The following RORC variants were observed in gnomAD, a reference collection of about 807,000 sequenced individuals.
The protein encoded by RORC is nuclear receptor ROR-gamma.
A neutral mutation model predicts 64.5 loss-of-function variants in RORC; 13 were observed. The ratio of observed to expected loss-of-function variants is 0.20; its 90% CI spans 0.13 to 0.32. The LOEUF is 0.32. RORC is among the 10% of genes least tolerant of loss of function. RORC has a pLI of 1.00. For missense variants in RORC, 468 were observed against 669.5 expected (o/e 0.70, Z 3.32); for synonymous variants, 277 against 259.3 (o/e 1.07, Z -0.65).
rs139674921 is a variant in RORC at position 151,831,307 on chromosome 1, C to T, written c.40+418G>A. 3.3e-3 allele frequency among the ~76,000 whole-genome samples: 509 copies of T among 152,244 alleles called. 12 individuals are homozygous for T. The highest frequency in any genetic ancestry group is 0.012 in the East Asian group (60 of 5,168). On this transcript the variant is annotated intron_variant, in intron 1 of 10. Transcript: ENST00000318247. ...ACAGAAGGTGGAGCAGCCAGCCTCC[C>T]GGCCACTGCTGTCTGGGGTCCTGGC...
chr1:151,831,243 G>T, intron 1 of RORC: 1 of 628,952 alleles, frequency 1.6e-6, no homozygotes, highest in Non-Finnish European at 2.3e-6. Flanking sequence ...CCCCAAGTCT[G>T]TCACTCCTTA....
chr1:151,828,721 C>T (rs1482265975), intron 2 of RORC, among the ~76,000 whole-genome samples: 4 of 152,168 alleles, frequency 2.6e-5, no homozygotes, highest in Non-Finnish European at 4.4e-5. Flanking sequence ...TGGCCCATGC[C>T]TGTAATCTCA....
intron 10 of RORC, among the ~76,000 whole-genome samples, chr1:151,810,211 G>T (rs1651465810): frequency 6.6e-6 from 1 of 151,996 alleles, no homozygotes; most frequent in South Asian, 2.1e-4. Context: ...TTAAACCTCA[G>T]GAAAAGGATT....
intron 2 of RORC, chr1:151,826,025 GGGCGAGGC>G: frequency 6.3e-7 from 1 of 1,599,912 alleles, no homozygotes; most frequent in Non-Finnish European, 8.5e-7. Flanking sequence ...GGCAGAGGCG[GGGCGAGGC>G]CCTCTCAGCA....
chr1:151,825,134 C>T (rs1404357716), intron 2 of RORC, among the ~76,000 whole-genome samples: 3 of 152,168 alleles, frequency 2.0e-5, no homozygotes, highest in Non-Finnish European at 4.4e-5. Context: ...GACATCTGCC[C>T]ACCAACTGTT....
At chr1:151,825,759 C>T (rs1330016024) in intron 2 of RORC, among the ~76,000 whole-genome samples, 1 of 152,270 alleles carries the variant, frequency 6.6e-6, no homozygotes, top group Middle Eastern at 3.4e-3. Context: ...AGCCGCCTGG[C>T]CAGCAGGACT....
At chr1:151,819,041 G>A (rs986820446) in intron 2 of RORC, among the ~76,000 whole-genome samples, 5 of 152,114 alleles carry the variant, frequency 3.3e-5, no homozygotes, top group Admixed American at 6.5e-5. Flanking sequence ...CCAGCCACAC[G>A]TGCCTGCCCA....
chr1:151,823,847 G>A (rs1652089201), intron 2 of RORC, among the ~76,000 whole-genome samples: 1 of 152,112 alleles, frequency 6.6e-6, no homozygotes, highest in Non-Finnish European at 1.5e-5. Flanking sequence ...GGCTCACTTT[G>A]TTGCCCAGGC....
In RORC at chr1:151,813,516, C is replaced by T. The variant is rs781406501; in HGVS notation, c.1038G>A (p.Gln346=). The T allele has an allele frequency of 6.2e-7, 1 of 1,614,072 alleles. No individual in the cohort carries two copies. Among genetic ancestry groups the T allele is most frequent in the African/African-American group, 1.3e-5 (1 of 74,924 alleles). ...KRLSGFMELC[Q]NDQIVLLKAG... Reference sequence around the variant, plus strand: ...CTTTGAGAAGCACAATCTGGTCATTCTGGCAGAGCTCCATAAAGCCTGAGA... The same window carrying T: ...CTTTGAGAAGCACAATCTGGTCATTTTGGCAGAGCTCCATAAAGCCTGAGA... Residue 346 remains glutamine (Q), a synonymous_variant, in exon 7 of 11, where the codon CAG becomes CAA. Coordinates refer to ENST00000318247, the MANE Select transcript of RORC (RefSeq NM_005060.4).
At chr1:151,818,892 A>G (rs1265627560) in intron 2 of RORC, among the ~76,000 whole-genome samples, 7 of 152,154 alleles carry the variant, frequency 4.6e-5, no homozygotes, top group Non-Finnish European at 1.0e-4. Context: ...ATTCCCCAAA[A>G]TATTATTTCC....
chr1:151,813,272 T>G lies in RORC; in HGVS notation c.1141A>C (p.Lys381Gln). ...CGGAACAGCTCCATGCCACCGTATT[T>G]GCCTTCAAAAAAGACCGTGCGGTTG... ...ADNRTVFFEG[K>Q]YGGMELFRAL... The change falls in exon 8 of 11, where the codon AAA (lysine) becomes CAA (glutamine). Residue 381 changes from lysine to glutamine, a missense_variant. This residue lies in a region of RORC where 100 missense variants were observed against 190.8 expected (regional missense o/e 0.52). Coordinates refer to ENST00000318247, the MANE Select transcript of RORC (RefSeq NM_005060.4). The G allele has an allele frequency of 6.2e-7, 1 of 1,614,138 alleles. No homozygotes were observed. Among genetic ancestry groups the G allele is most frequent in the Non-Finnish European group, 8.5e-7 (1 of 1,180,018 alleles).
chr1:151,828,797 G>A (rs1359242685), intron 2 of RORC, among the ~76,000 whole-genome samples: 5 of 152,120 alleles, frequency 3.3e-5, no homozygotes, highest in Admixed American at 1.3e-4. Flanking sequence ...TGACCAACAT[G>A]GTGAAACCCC....
chr1:151,813,783 C>T lies in RORC; in HGVS notation c.934-163G>A. On this transcript the variant is annotated intron_variant, in intron 6 of 10. Transcript: ENST00000318247. Reference sequence around the variant, plus strand: ...GGTCTTAGCACAAATGCACAGATTCCTGCCAGTGAGTCCCACACACTGAGC... The same window carrying T: ...GGTCTTAGCACAAATGCACAGATTCTTGCCAGTGAGTCCCACACACTGAGC... 5 of 759,018 alleles carry T rather than the reference C, an allele frequency of 6.6e-6. 1 individual carries two copies. The highest frequency in any genetic ancestry group is 6.2e-6 in the Non-Finnish European group (3 of 482,716). 47.0% of individuals were successfully genotyped at this position (759,018 alleles called of 1,614,324 possible).
Position 151,814,407 on chromosome 1 carries a change from TACAC to T in RORC, c.933+163_933+166del, listed in dbSNP as rs902969941. On this transcript the variant is annotated intron_variant, in intron 6 of 10. Transcript: ENST00000318247. The stretch of plus-strand genomic sequence containing the variant: ...ATCCATCTGCTGGGGTGTAGACAGA[TACAC>T]ACATTCGCAACTGTACATAAAAGGT... The T allele has an allele frequency of 4.5e-6, 3 of 663,742 alleles. No homozygotes were observed. In the African/African-American group the frequency reaches 5.5e-5, roughly 12 times the overall value. 41.1% of individuals were successfully genotyped at this position (663,742 alleles called of 1,614,324 possible). A position where few individuals can be genotyped will look rare whatever the true frequency, so the allele number is the denominator to read the frequency against.
At chr1:151,826,247 G>C (rs1652191659) in intron 2 of RORC, among the ~76,000 whole-genome samples, 1 of 152,174 alleles carries the variant, frequency 6.6e-6, no homozygotes, top group Non-Finnish European at 1.5e-5. Flanking sequence ...ATCGTAGGGG[G>C]CGTTGGAAAA....
In RORC at chr1:151,830,621, T is replaced by TAC. The variant is rs1553293049; in HGVS notation, c.40+1102_40+1103dup. ...TGCTGTTCAGTCTTGACACCTGACATACACACACACACACACACACACACA... is the reference window on the plus strand; with the variant it reads ...TGCTGTTCAGTCTTGACACCTGACATACACACACACACACACACACACACACA... On this transcript the variant is annotated intron_variant, in intron 1 of 10. Transcript: ENST00000318247. The surrounding 1 kb of genome is among the most constrained non-coding windows in gnomAD (Gnocchi z 4.0). 0.023 allele frequency among the ~76,000 whole-genome samples: 1,304 copies of TAC among 57,172 alleles called. 21 individuals are homozygous for TAC. The highest frequency in any genetic ancestry group is 0.051 in the Middle Eastern group (4 of 78). The allele number at this position is 57,172 out of a possible 152,430, so 37.5% of individuals were successfully genotyped here.
intron 10 of RORC, among the ~76,000 whole-genome samples, chr1:151,810,533 AT>A (rs5777785): frequency 0.015 from 2,150 of 141,938 alleles, 34 homozygotes; most frequent in African/African-American, 0.049. Flanking sequence ...CTACAAGGAG[AT>A]TTTTTTTTTT....
chr1:151,819,471 C>T (rs1651898066), intron 2 of RORC, among the ~76,000 whole-genome samples: 1 of 152,178 alleles, frequency 6.6e-6, no homozygotes, highest in South Asian at 2.1e-4. Flanking sequence ...TGCCCAACAC[C>T]TCCCCCTCCA....
At chr1:151,818,116 A>C (rs1651840754) in intron 2 of RORC, among the ~76,000 whole-genome samples, 1 of 152,212 alleles carries the variant, frequency 6.6e-6, no homozygotes, top group Non-Finnish European at 1.5e-5. Flanking sequence ...AAGCCAGATG[A>C]GGCAAAGCGG....
Sources: allele counts gnomAD v4.1 joint callset (sites outside exome capture counted in the v4.1 genomes callset), GRCh38; gene constraint gnomAD v4.1.1; regional missense constraint gnomAD v4.1.1; non-coding constraint Gnocchi (gnomAD v3.1); transcripts MANE v1.5; gene names NCBI Gene and HGNC (gene_info 2026-07-23, HGNC 2026-07-21).